The following KCP variants were observed in gnomAD, a reference collection of about 807,000 sequenced individuals.
KCP encodes the protein kielin/chordin-like protein.
A neutral mutation model predicts 212.7 loss-of-function variants in KCP; 194 were observed. The ratio of observed to expected loss-of-function variants is 0.91; its 90% CI spans 0.81 to 1.03. KCP has a LOEUF of 1.03. Among genes scored for constraint, KCP ranks in the 50% least tolerant of loss-of-function variants. The pLI is 0.00. For synonymous variants in KCP, 833 were observed against 865.3 expected, an observed-to-expected ratio of 0.96 and a Z score of 0.65; for missense variants, 2,080 against 2,162.5, an observed-to-expected ratio of 0.96 and a Z score of 0.76.
At position 128,890,988 on chromosome 7, in the gene KCP, C is replaced by G; in HGVS notation, c.2081G>C (p.Gly694Ala). 7.6e-7 allele frequency: 1 copy of G among 1,317,770 alleles called. No individual in the cohort carries two copies. Among genetic ancestry groups the G allele is most frequent in the Non-Finnish European group, 9.6e-7 (1 of 1,039,476 alleles). The allele number at this position is 1,317,770 out of a possible 1,614,324, so 81.6% of individuals were successfully genotyped here. ...DPCRRCLCLD[G>A]SVSCQRLPCP... ...GGGCAGCCGCTGGCAGGACACGGAGCCGTCGAGGCAGAGGCAGCGGCGGCA... is the reference window on the plus strand; with the variant it reads ...GGGCAGCCGCTGGCAGGACACGGAGGCGTCGAGGCAGAGGCAGCGGCGGCA... The change falls in exon 20 of 40, where the codon GGC (glycine) becomes GCC (alanine). Residue 694 changes from glycine to alanine, a missense_variant. Coordinates refer to ENST00000610776, the MANE Select transcript of KCP (RefSeq NM_001366122.1).
intron 5 of KCP, among the ~76,000 whole-genome samples, chr7:128,905,932 C>G (rs1447620212): frequency 1.3e-5 from 2 of 152,118 alleles, no homozygotes; most frequent in Non-Finnish European, 2.9e-5. Flanking sequence ...CTGTGCCCTC[C>G]TCTGGCAAAA....
At position 128,910,616 on chromosome 7, in the gene KCP, C is replaced by T; in HGVS notation, c.61G>A (p.Ala21Thr). The change falls in exon 1 of 40, where the codon GCC (alanine) becomes ACC (threonine). Residue 21 changes from alanine (A) to threonine (T), a missense_variant. Ala to Thr is a moderately conservative substitution (Grantham distance 58, BLOSUM62 0). Transcript: ENST00000610776. Reference sequence around the variant, plus strand: ...CTGGACTCACCTTCCGCGCCCGCGGCCAGCGCCAGGGCCCCGAGGTGCAGG... The same window carrying T: ...CTGGACTCACCTTCCGCGCCCGCGGTCAGCGCCAGGGCCCCGAGGTGCAGG... Reference protein sequence around the residue: ...LLLHLGALALAAGAEGGAVPR... With the variant: ...LLLHLGALALTAGAEGGAVPR... 6.6e-7 allele frequency: 1 copy of T among 1,515,608 alleles called. No individual in the cohort carries two copies. The highest frequency in any genetic ancestry group is 1.4e-5 in the African/African-American group (1 of 70,222). 93.9% of individuals were successfully genotyped at this position (1,515,608 alleles called of 1,614,324 possible).
rs752411105 is a variant in KCP, at chr7:128,879,729, C to T, written c.4033G>A (p.Gly1345Arg). The T allele has an allele frequency of 4.1e-5, 63 of 1,550,184 alleles. 1 individual carries two copies. Among genetic ancestry groups the T allele is most frequent in the South Asian group, 3.5e-4 (29 of 84,056 alleles). The change falls in exon 36 of 40, where the codon GGG becomes AGG. Residue 1345 changes from glycine to arginine, a missense_variant. Gly to Arg is a moderately radical substitution (Grantham distance 125, BLOSUM62 -2). Coordinates refer to ENST00000610776, the MANE Select transcript of KCP (RefSeq NM_001366122.1). ...GDMAVRLLQDGAVTVDGHPVA... is the reference protein window; with the variant it reads ...GDMAVRLLQDRAVTVDGHPVA... ...TCGGCTTTGCTCACCGTGACTGCCC[C>T]GTCCTGCAGCAGCCGCACGGCCATG... is the stretch of plus-strand genomic sequence containing the variant.
rs992198758 is a variant in KCP at position 128,892,551 on chromosome 7, G to C, written c.1584C>G (p.Pro528=). ...VDCPPTTCAR[P]QSGPGQCCPR... Reference sequence around the variant, plus strand: ...GGCAACACTGGCCTGGTCCACTCTGGGGCCTGGCACAGGTCGTGGGAGGGC... The same window carrying C: ...GGCAACACTGGCCTGGTCCACTCTGCGGCCTGGCACAGGTCGTGGGAGGGC... The change falls in exon 16 of 40, where the codon CCC becomes CCG. Residue 528 remains proline (P), a synonymous_variant. Coordinates refer to ENST00000610776, the MANE Select transcript of KCP (RefSeq NM_001366122.1). The C allele has an allele frequency of 1.6e-5, 24 of 1,548,260 alleles. No individual in the cohort carries two copies. In the African/African-American group the frequency reaches 3.0e-4, roughly 19 times the overall value.
Position 128,880,548 on chromosome 7 carries a change from G to A in KCP, c.3617-20C>T, listed in dbSNP as rs374823349. 9 of 1,418,312 alleles carry A rather than the reference G, an allele frequency of 6.3e-6. No individual in the cohort carries two copies. In the African/African-American group the frequency reaches 1.3e-4, roughly 21 times the overall value. The allele number at this position is 1,418,312 out of a possible 1,614,324, so 87.9% of individuals were successfully genotyped here. Reference sequence around the variant, plus strand: ...TGGGAGCTGAAGGGATAGGAGCTGGGAGGGTCAGCTGCTCCTCCCACATGC... The same window carrying A: ...TGGGAGCTGAAGGGATAGGAGCTGGAAGGGTCAGCTGCTCCTCCCACATGC... On this transcript the variant is annotated intron_variant, in intron 33 of 39. Transcript: ENST00000610776.
intron 22 of KCP, among the ~76,000 whole-genome samples, chr7:128,888,623 CACACAT>C (rs1225480824): frequency 4.1e-5 from 6 of 145,462 alleles, no homozygotes; most frequent in South Asian, 2.2e-4. Context: ...GACACACACA[CACACAT>C]ACAGACACAC....
chr7:128,891,820 C>A lies in KCP; in HGVS notation c.1622-1G>T. On this transcript the variant is annotated splice_acceptor_variant, in intron 16 of 39. Transcript: ENST00000610776. LOFTEE classifies it high-confidence loss of function. ...AACACCTCTTCCTCCAGGATGCAGT[C>A]TGGGCAGTGGATGGTGGGGGCAGGT... 1 of 1,445,614 alleles carries A rather than the reference C, an allele frequency of 6.9e-7. No homozygotes were observed. Among genetic ancestry groups the A allele is most frequent in the South Asian group, 1.5e-5 (1 of 67,038 alleles). The allele number at this position is 1,445,614 out of a possible 1,614,324, so 89.5% of individuals were successfully genotyped here.
intron 20 of KCP, 116 bp downstream of exon 20, chr7:128,890,789 C>T (rs2128947170): frequency 1.0e-6 from 1 of 986,066 alleles, no homozygotes; most frequent in Non-Finnish European, 1.4e-6. Context: ...ACATTCCTAA[C>T]AAGATCCCCG....
At chr7:128,886,066 G>A (rs28376408) in intron 26 of KCP, among the ~76,000 whole-genome samples, 5,223 of 152,198 alleles carry the variant, frequency 0.034, 292 homozygotes, top group African/African-American at 0.11. Flanking sequence ...AGGAAGAGGG[G>A]CAGCTTTTTG....
At chr7:128,899,713 C>G (rs1283871767) in intron 8 of KCP, among the ~76,000 whole-genome samples, 1 of 149,182 alleles carries the variant, frequency 6.7e-6, no homozygotes, top group Non-Finnish European at 1.5e-5. Flanking sequence ...TGTGAGTATT[C>G]TTAATTTATG....
At chr7:128,885,062 C>A in intron 27 of KCP, 35 bp downstream of exon 27, 1 of 1,550,266 alleles carries the variant, frequency 6.5e-7, no homozygotes, top group Non-Finnish European at 8.7e-7. Flanking sequence ...GGGCTCCCTC[C>A]TCGCCTTTCC....
chr7:128,902,642 A>G, intron 8 of KCP, 135 bp downstream of exon 8: 3 of 799,136 alleles, frequency 3.8e-6, no homozygotes, highest in Non-Finnish European at 6.1e-6. Flanking sequence ...CACAGCCCCC[A>G]GCAGACAGCG....
chr7:128,891,927 G>A, intron 16 of KCP, 108 bp from the exon 17 acceptor site: 3 of 773,648 alleles, frequency 3.9e-6, no homozygotes, highest in Non-Finnish European at 5.9e-6. Flanking sequence ...TGACTCGAGG[G>A]GAAAGAGGAG....
At chr7:128,884,927 T>A in intron 27 of KCP, 64 bp from the exon 28 acceptor site, 1 of 1,507,914 alleles carries the variant, frequency 6.6e-7, no homozygotes, top group Non-Finnish European at 9.0e-7. Flanking sequence ...GAGGCAGGGG[T>A]GGAGTCCTCT....
At chr7:128,883,695 G>A (rs537191305) in intron 29 of KCP, among the ~76,000 whole-genome samples, 4 of 152,118 alleles carry the variant, frequency 2.6e-5, no homozygotes, top group Middle Eastern at 3.4e-3. Flanking sequence ...AAAAAAGCTC[G>A]CCCACCCCTG....
intron 4 of KCP, 145 bp downstream of exon 4, chr7:128,906,956 G>A (rs1204305492): frequency 1.1e-5 from 9 of 785,236 alleles, no homozygotes; most frequent in Middle Eastern, 7.7e-4. Flanking sequence ...TTTCCTACTC[G>A]GAATCAACTG....
intron 9 of KCP, 30 bp from the exon 10 acceptor site, chr7:128,894,085 T>C: frequency 1.3e-6 from 2 of 1,540,406 alleles, no homozygotes; most frequent in East Asian, 2.5e-5. Flanking sequence ...TAGATGTTCC[T>C]CAGGGGCCCC....
intron 8 of KCP, among the ~76,000 whole-genome samples, chr7:128,899,558 A>G (rs1794717728): frequency 6.6e-6 from 1 of 152,116 alleles, no homozygotes; most frequent in Admixed American, 6.6e-5. Flanking sequence ...AACATTGCTG[A>G]TCCTTTGTTT....
intron 8 of KCP, among the ~76,000 whole-genome samples, chr7:128,898,150 G>A (rs982066793): frequency 4.6e-5 from 7 of 152,072 alleles, no homozygotes; most frequent in Non-Finnish European, 1.0e-4. Flanking sequence ...CTGCCTCCTG[G>A]GTTCAAGCCA....
Sources: gnomAD v4.1 joint callset for allele counts (sites outside exome capture counted in the v4.1 genomes callset) on GRCh38, gnomAD v4.1.1 for gene constraint, MANE v1.5 for transcripts, NCBI Gene and HGNC (gene_info 2026-07-23, HGNC 2026-07-21) for gene names.